FRMD4B: variants seen among roughly 807,000 people sequenced by gnomAD.
FRMD4B encodes FERM domain-containing protein 4B.
FRMD4B carries 74 observed loss-of-function variants against 141.5 expected under a neutral mutation model. That is an observed-to-expected ratio of 0.52 (90% CI 0.43 to 0.63). The LOEUF is 0.63. Ranked by LOEUF, FRMD4B falls within the 30% of genes least tolerant of loss-of-function variation. FRMD4B has a pLI of 0.00. For missense variants in FRMD4B, 1,366 were observed against 1,253.4 expected (o/e 1.09, Z -1.36); for synonymous variants, 506 against 467.9 (o/e 1.08, Z -1.05).
intron 1 of FRMD4B, among the ~76,000 whole-genome samples, chr3:69,349,883 C>A (rs1035289344): frequency 3.3e-5 from 5 of 152,174 alleles, no homozygotes; most frequent in African/African-American, 1.2e-4. Flanking sequence ...AGAAGAAAAC[C>A]TAGGCAATAC....
intron 2 of FRMD4B, among the ~76,000 whole-genome samples, chr3:69,420,265 G>T (rs886210678): frequency 1.4e-4 from 20 of 138,970 alleles, no homozygotes; most frequent in Admixed American, 1.3e-3. Flanking sequence ...CTAGCAACAG[G>T]TGTAACTTGT....
intron 1 of FRMD4B, among the ~76,000 whole-genome samples, chr3:69,540,636 A>AATATATATAT (rs1553652110): frequency 7.2e-5 from 5 of 69,538 alleles, no homozygotes; most frequent in East Asian, 4.1e-4. Flanking sequence ...AAAAAAAAAA[A>AATATATATAT]ATATATATAT....
intron 5 of FRMD4B, among the ~76,000 whole-genome samples, chr3:69,263,071 C>A (rs866668841): frequency 3.3e-5 from 5 of 151,860 alleles, no homozygotes; most frequent in South Asian, 4.2e-4. Flanking sequence ...CCGGCCTGAC[C>A]AATATGGTGA....
intron 1 of FRMD4B, among the ~76,000 whole-genome samples, chr3:69,359,987 G>A (rs1324610487): frequency 6.6e-6 from 1 of 152,202 alleles, no homozygotes; most frequent in Non-Finnish European, 1.5e-5. Flanking sequence ...CTTACAAATG[G>A]CCTTTCCATT....
At chr3:69,463,179 A>G (rs368877318) in intron 1 of FRMD4B, among the ~76,000 whole-genome samples, 1 of 152,304 alleles carries the variant, frequency 6.6e-6, no homozygotes, top group East Asian at 1.9e-4. Flanking sequence ...TAGACCCCTC[A>G]CCAGTCAATC....
intron 2 of FRMD4B, among the ~76,000 whole-genome samples, chr3:69,418,217 AACT>A (rs1704903101): frequency 6.6e-6 from 1 of 152,188 alleles, no homozygotes; most frequent in Non-Finnish European, 1.5e-5. Context: ...CATACATTAT[AACT>A]AATAACACAT....
At chr3:69,397,163 G>A (rs191058845) in intron 2 of FRMD4B, among the ~76,000 whole-genome samples, 84 of 152,144 alleles carry the variant, frequency 5.5e-4, no homozygotes, top group African/African-American at 1.7e-3. Flanking sequence ...CGTATATGAC[G>A]GAATACTACT....
chr3:69,347,027 G>C (rs1342442407), intron 1 of FRMD4B, among the ~76,000 whole-genome samples: 1 of 152,190 alleles, frequency 6.6e-6, no homozygotes, highest in Non-Finnish European at 1.5e-5. Flanking sequence ...ATTAAAAGAT[G>C]TAGACTGGCA....
chr3:69,219,637 T>C (rs2093175047), intron 9 of FRMD4B, among the ~76,000 whole-genome samples: 1 of 152,038 alleles, frequency 6.6e-6, no homozygotes, highest in South Asian at 2.1e-4. Flanking sequence ...TTTTTTAGTT[T>C]CCAGGGCACA....
intron 11 of FRMD4B, among the ~76,000 whole-genome samples, chr3:69,211,155 T>C (rs1559720387): frequency 6.6e-6 from 1 of 152,152 alleles, no homozygotes; most frequent in Non-Finnish European, 1.5e-5. Flanking sequence ...TTATTGTCTG[T>C]CTTCTCACTA....
chr3:69,211,661 A>C (rs1011610208), intron 11 of FRMD4B, among the ~76,000 whole-genome samples: 2 of 152,214 alleles, frequency 1.3e-5, no homozygotes, highest in African/African-American at 4.8e-5. Flanking sequence ...TTTAAGCCAC[A>C]TAATTGTAAC....
At chr3:69,513,217 A>C (rs1200785010) in intron 1 of FRMD4B, among the ~76,000 whole-genome samples, 1 of 152,186 alleles carries the variant, frequency 6.6e-6, no homozygotes, top group East Asian at 1.9e-4. Flanking sequence ...GAAAGGAAAG[A>C]GATGTTAGAA....
At position 69,305,513 on chromosome 3, in the gene FRMD4B, G is replaced by A. The variant is rs74997223; in HGVS notation, c.324-3078C>T. On this transcript the variant is annotated intron_variant, in intron 3 of 22. Transcript: ENST00000398540. The stretch of plus-strand genomic sequence containing the variant: ...AAAGACACATCCCAATTTCACAGAC[G>A]TTTAAATGTGTGTCTTAAAATACAT... Among the ~76,000 whole-genome samples the A allele has an allele frequency of 1.9e-4, 29 of 152,332 alleles. No homozygotes were observed. The East Asian group carries it at 4.6e-3, about 24-fold the overall frequency.
chr3:69,211,060 G>A (rs978279781), intron 11 of FRMD4B, among the ~76,000 whole-genome samples: 1 of 147,476 alleles, frequency 6.8e-6, no homozygotes, highest in African/African-American at 2.5e-5. Context: ...TTTGAGAGTG[G>A]ATTCTTAGTA....
At chr3:69,241,666 G>A (rs922246704) in intron 7 of FRMD4B, among the ~76,000 whole-genome samples, 1 of 152,132 alleles carries the variant, frequency 6.6e-6, no homozygotes, top group African/African-American at 2.4e-5. Flanking sequence ...GGAAGCCGAG[G>A]CTGACAGATT....
chr3:69,505,090 C>T (rs1187300809), intron 1 of FRMD4B, among the ~76,000 whole-genome samples: 2 of 3,992 alleles, frequency 5.0e-4, no homozygotes, highest in African/African-American at 4.2e-3. Flanking sequence ...CAAATAGTGG[C>T]CAGCATAAGT....
chr3:69,302,207 T>A, intron 4 of FRMD4B, 136 bp downstream of exon 4: 1 of 635,866 alleles, frequency 1.6e-6, no homozygotes. Context: ...CACATGATAA[T>A]GTTTTGATAG....
chr3:69,205,629 C>T (rs532777053), intron 11 of FRMD4B, among the ~76,000 whole-genome samples: 140 of 152,268 alleles, frequency 9.2e-4, no homozygotes, highest in African/African-American at 3.2e-3. Flanking sequence ...TTGGTTAACA[C>T]ACTGGAGGGG....
chr3:69,465,565 G>A (rs190012679), intron 1 of FRMD4B, among the ~76,000 whole-genome samples: 2,884 of 132,916 alleles, frequency 0.022, 105 homozygotes, highest in African/African-American at 0.078. Flanking sequence ...GACAGGCCCC[G>A]GTGTGTGACG....
Sources: allele counts gnomAD v4.1 joint callset (sites outside exome capture counted in the v4.1 genomes callset), GRCh38; gene constraint gnomAD v4.1.1; transcripts MANE v1.5; gene names NCBI Gene and HGNC (gene_info 2026-07-23, HGNC 2026-07-21).